GZMK: variants seen among roughly 807,000 people sequenced by gnomAD.
The protein encoded by GZMK is NK-Tryp-2.
A neutral mutation model predicts 22.8 loss-of-function variants in GZMK; 18 were observed. That is an observed-to-expected ratio of 0.79 (90% confidence interval 0.54 to 1.17). The LOEUF is 1.17. GZMK is among the 50% of genes most tolerant of loss of function. GZMK has a pLI of 0.00. For synonymous variants in GZMK, 136 were observed against 115.0 expected (o/e 1.18, Z -1.17); for missense variants, 342 against 320.2 (o/e 1.07, Z -0.52).
chr5:55,027,272 G>A (rs1741155639), intron 2 of GZMK, among the ~76,000 whole-genome samples: 1 of 152,168 alleles, frequency 6.6e-6, no homozygotes, highest in Non-Finnish European at 1.5e-5. Context: ...TGCCTTCCAT[G>A]GTAATAACCA....
rs568668152 is a variant in GZMK at position 55,030,568 on chromosome 5, A to G, written c.347A>G (p.Asp116Gly). The change falls in exon 3 of 5, where the codon GAT becomes GGT. Residue 116 changes from aspartate (D) to glycine (G), a missense_variant. Physicochemically the swap from Asp to Gly is moderately conservative, Grantham distance 94. Transcript: ENST00000231009. ...GTTACATCAGATCCTCAATCAAATGATATCATGCTGGTTAAGGTAGGTAGT... is the reference window on the plus strand; with the variant it reads ...GTTACATCAGATCCTCAATCAAATGGTATCATGCTGGTTAAGGTAGGTAGT... ...SRVTSDPQSN[D>G]IMLVKLQTAA... 6.2e-7 allele frequency: 1 copy of G among 1,612,310 alleles called. No individual in the cohort carries two copies. The highest frequency in any genetic ancestry group is 8.5e-7 in the Non-Finnish European group (1 of 1,178,302).
rs370635228 is a variant in GZMK, at chr5:55,031,405, C to T, written c.405C>T (p.Leu135=). ...AACTCAATAAACATGTCAAGATGCT[C>T]CACATAAGATCCAAAACCTCTCTTA... ...AAKLNKHVKM[L]HIRSKTSLRS... Residue 135 remains leucine (L), a synonymous_variant, in exon 4 of 5, where the codon CTC becomes CTT. Coordinates refer to ENST00000231009, the MANE Select transcript of GZMK (RefSeq NM_002104.3). The T allele has an allele frequency of 7.4e-5, 120 of 1,613,162 alleles. No individual in the cohort carries two copies. The highest frequency in any genetic ancestry group is 9.2e-5 in the Non-Finnish European group (108 of 1,179,182).
chr5:55,024,883 T>C lies in GZMK; in HGVS notation c.212+76T>C, dbSNP rs1007635566. The C allele has an allele frequency of 7.8e-6, 7 of 897,524 alleles. No individual in the cohort carries two copies. In the African/African-American group the frequency reaches 8.5e-5, roughly 11 times the overall value. The allele number at this position is 897,524 out of a possible 1,614,324, so 55.6% of individuals were successfully genotyped here. On this transcript the variant is annotated intron_variant, in intron 2 of 4. Transcript: ENST00000231009. Reference sequence around the variant, plus strand: ...AGGTACAAGAGAAGCTTACCTCTCCTGAATGAGAATTTGATCTACTGTTAG... The same window carrying C: ...AGGTACAAGAGAAGCTTACCTCTCCCGAATGAGAATTTGATCTACTGTTAG...
Position 55,024,686 on chromosome 5 carries a change from A to C in GZMK, c.91A>C (p.Lys31Gln). Residue 31 changes from lysine to glutamine, a missense_variant, in exon 2 of 5, where the codon AAA (lysine) becomes CAA (glutamine). Transcript: ENST00000231009. Reference sequence around the variant, plus strand: ...TTTCAATATGGAAATTATTGGAGGGAAAGAAGTGTCACCTCATTCCAGGCC... The same window carrying C: ...TTTCAATATGGAAATTATTGGAGGGCAAGAAGTGTCACCTCATTCCAGGCC... The part of the protein sequence containing the change: ...VCFNMEIIGG[K>Q]EVSPHSRPFM... 6.2e-7 allele frequency: 1 copy of C among 1,609,220 alleles called. No individual in the cohort carries two copies. Among genetic ancestry groups the C allele is most frequent in the Non-Finnish European group, 8.5e-7 (1 of 1,175,936 alleles).
chr5:55,030,083 G>T (rs1741202820), intron 2 of GZMK, among the ~76,000 whole-genome samples: 1 of 151,978 alleles, frequency 6.6e-6, no homozygotes, highest in Non-Finnish European at 1.5e-5. Context: ...ACAAACTCAA[G>T]GAATATAATT....
intron 4 of GZMK, 150 bp from the exon 5 acceptor site, chr5:55,033,615 C>T (rs901457276): frequency 1.2e-5 from 7 of 586,400 alleles, no homozygotes; most frequent in South Asian, 4.9e-5. Flanking sequence ...CAACCTATAA[C>T]GAGTAAGAGG....
Position 55,033,870 on chromosome 5 carries a change from A to G in GZMK, c.739A>G (p.Thr247Ala), listed in dbSNP as rs757901451. The change falls in exon 5 of 5, where the codon ACC (threonine) becomes GCC (alanine). Residue 247 changes from threonine to alanine, a missense_variant. By Grantham distance (58) the Thr-to-Ala change is moderately conservative. Transcript: ENST00000231009. ...AAAGCCTGGAATCTACACCCTGTTAACCAAGAAATACCAGACTTGGATCAA... is the reference window on the plus strand; with the variant it reads ...AAAGCCTGGAATCTACACCCTGTTAGCCAAGAAATACCAGACTTGGATCAA... ...ATKPGIYTLL[T>A]KKYQTWIKSN... 6.2e-7 allele frequency: 1 copy of G among 1,613,848 alleles called. No homozygotes were observed. The highest frequency in any genetic ancestry group is 1.1e-5 in the South Asian group (1 of 91,046).
chr5:55,027,252 C>A (rs530910976), intron 2 of GZMK, among the ~76,000 whole-genome samples: 2 of 152,158 alleles, frequency 1.3e-5, no homozygotes, highest in East Asian at 3.8e-4. Context: ...TATTGTTATA[C>A]AATTATCTGT....
intron 3 of GZMK, 127 bp from the exon 4 acceptor site, chr5:55,031,237 C>T (rs760633566): frequency 2.7e-6 from 2 of 745,576 alleles, no homozygotes; most frequent in Non-Finnish European, 4.5e-6. Flanking sequence ...CAGCTGCAGG[C>T]CACCACCAAA....
At chr5:55,033,414 T>A (rs1304738654) in intron 4 of GZMK, among the ~76,000 whole-genome samples, 1 of 152,208 alleles carries the variant, frequency 6.6e-6, no homozygotes, top group Non-Finnish European at 1.5e-5. Context: ...ATTTAAAACT[T>A]TATCCATTCT....
chr5:55,033,361 A>G (rs1741263721), intron 4 of GZMK, among the ~76,000 whole-genome samples: 1 of 152,254 alleles, frequency 6.6e-6, no homozygotes, highest in Admixed American at 6.5e-5. Context: ...GAGCATCAAA[A>G]TGAAATCTAC....
chr5:55,024,422 T>A, intron 1 of GZMK, 36 bp downstream of exon 1: 1 of 978,458 alleles, frequency 1.0e-6, no homozygotes, highest in South Asian at 1.4e-5. Context: ...AAACATTAAA[T>A]GAATTTCTAC....
intron 2 of GZMK, among the ~76,000 whole-genome samples, chr5:55,029,542 T>TTTTGTTTGTTTG (rs72151093): frequency 0.01 from 1,572 of 150,492 alleles, 10 homozygotes; most frequent in Middle Eastern, 0.017. Flanking sequence ...TCTTTGTGGT[T>TTTTGTTTGTTTG]TTTGTTTGTT....
Position 55,033,620 on chromosome 5 carries a change from A to G in GZMK, c.634-145A>G, listed in dbSNP as rs377034400. ...GGCACATGGACAACCTATAACGAGTAAGAGGCAGTGTCAGACACTCTTCTG... is the reference window on the plus strand; with the variant it reads ...GGCACATGGACAACCTATAACGAGTGAGAGGCAGTGTCAGACACTCTTCTG... On this transcript the variant is annotated intron_variant, in intron 4 of 4. Transcript: ENST00000231009. 55 of 598,944 alleles carry G rather than the reference A, an allele frequency of 9.2e-5. No individual in the cohort carries two copies. The South Asian group carries it at 1.3e-3, about 14-fold the overall frequency. The allele number at this position is 598,944 out of a possible 1,614,324, so 37.1% of individuals were successfully genotyped here.
intron 2 of GZMK, among the ~76,000 whole-genome samples, chr5:55,029,488 G>C (rs1210747874): frequency 6.6e-6 from 1 of 152,160 alleles, no homozygotes; most frequent in African/African-American, 2.4e-5. Flanking sequence ...ACATTGACCT[G>C]AGATGAAGTC....
chr5:55,027,070 C>G (rs1329038320), intron 2 of GZMK: 1 of 152,162 alleles, frequency 6.6e-6, no homozygotes, highest in Non-Finnish European at 1.5e-5. Context: ...GAATTTGCCT[C>G]CTGGAGGCAA....
chr5:55,024,363 T>A lies in GZMK; in HGVS notation c.41T>A (p.Val14Asp). 1 of 1,491,088 alleles carries A rather than the reference T, an allele frequency of 6.7e-7. No homozygotes were observed. The highest frequency in any genetic ancestry group is 9.3e-7 in the Non-Finnish European group (1 of 1,069,642). The allele number at this position is 1,491,088 out of a possible 1,614,324, so 92.4% of individuals were successfully genotyped here. ...FSSFSLFFLI[V>D]GAYMTHVCFN... is the part of the protein sequence containing the mutation. The stretch of plus-strand genomic sequence containing the variant: ...TCCTTTTCTCTGTTTTTCCTAATAG[T>A]TGGGGCTTATATGACTCATGTGTGT... The change falls in exon 1 of 5, where the codon GTT (valine) becomes GAT (aspartate). Residue 14 changes from valine (V) to aspartate (D), a missense_variant. Val to Asp is a radical substitution (Grantham distance 152, BLOSUM62 -3). Transcript: ENST00000231009.
In GZMK at chr5:55,033,776, G is replaced by C. The variant is rs559841674; in HGVS notation, c.645G>C (p.Gly215=). 1.6e-5 allele frequency: 25 copies of C among 1,599,130 alleles called. No homozygotes were observed. The East Asian group carries it at 5.4e-4, about 34-fold the overall frequency. ...GQKDSCKGDS[G]GPLICKGVFH... is the part of the protein sequence containing the mutation. Reference sequence around the variant, plus strand: ...TTTCTTCCTTCCAGGGTGACTCAGGGGGCCCCTTGATCTGTAAAGGTGTCT... The same window carrying C: ...TTTCTTCCTTCCAGGGTGACTCAGGCGGCCCCTTGATCTGTAAAGGTGTCT... The change falls in exon 5 of 5, where the codon GGG becomes GGC. Residue 215 remains glycine (G), a synonymous_variant. Coordinates refer to ENST00000231009, the MANE Select transcript of GZMK (RefSeq NM_002104.3).
chr5:55,027,453 C>A (rs142888623), intron 2 of GZMK: 3 of 152,260 alleles, frequency 2.0e-5, no homozygotes, highest in Non-Finnish European at 4.4e-5. Context: ...AGTGTCCAGG[C>A]GCGCTGGCAG....
Sources: gnomAD v4.1 joint callset for allele counts (sites outside exome capture counted in the v4.1 genomes callset) on GRCh38, gnomAD v4.1.1 for gene constraint, MANE v1.5 for transcripts, NCBI Gene and HGNC (gene_info 2026-07-23, HGNC 2026-07-21) for gene names.